The following PRKAA2 variants were observed in gnomAD, a reference collection of about 807,000 sequenced individuals.
The protein encoded by PRKAA2 is 5'-AMP-activated protein kinase catalytic subunit alpha-2.
In PRKAA2, 40 loss-of-function variants were observed where a neutral mutation model predicts 56.3. The observed-to-expected ratio is 0.71, with a 90% CI of 0.55 to 0.92. PRKAA2 has a LOEUF of 0.92. Among genes scored for constraint, PRKAA2 ranks in the 40% least tolerant of loss-of-function variants. The pLI is 0.00. For synonymous variants in PRKAA2, 214 were observed against 234.2 expected, an observed-to-expected ratio of 0.91 and a Z score of 0.79; for missense variants, 542 against 686.9, an observed-to-expected ratio of 0.79 and a Z score of 2.36.
At chr1:56,696,268 T>A in intron 6 of PRKAA2, 109 bp downstream of exon 6, 1 of 949,372 alleles carries the variant, frequency 1.1e-6, no homozygotes, top group South Asian at 1.7e-5. Context: ...CTCACCCCAG[T>A]ACTCATGCTT....
intron 7 of PRKAA2, 111 bp from the exon 8 acceptor site, chr1:56,705,980 AT>A (rs1644329154): frequency 1.1e-6 from 1 of 909,254 alleles, no homozygotes; most frequent in East Asian, 2.7e-5. Context: ...ATATAAAAAA[AT>A]TATTCGTATT....
chr1:56,664,855 TACACACAC>T (rs67041631), intron 1 of PRKAA2, among the ~76,000 whole-genome samples: 19 of 139,836 alleles, frequency 1.4e-4, no homozygotes, highest in Admixed American at 3.6e-4. Flanking sequence ...AGTATATGTG[TACACACAC>T]ACACACACAC....
At chr1:56,662,171 A>G (rs1207813610) in intron 1 of PRKAA2, among the ~76,000 whole-genome samples, 8 of 152,094 alleles carry the variant, frequency 5.3e-5, no homozygotes, top group Non-Finnish European at 1.2e-4. Flanking sequence ...TTGTCGTTCA[A>G]AATAATTTAG....
chr1:56,689,033 A>T (rs1455223719), intron 2 of PRKAA2, among the ~76,000 whole-genome samples: 1 of 152,210 alleles, frequency 6.6e-6, no homozygotes, highest in Admixed American at 6.5e-5. Context: ...TCATGAAATA[A>T]TTAATTCCAA....
Position 56,645,330 on chromosome 1 carries a change from G to T in PRKAA2, c.-58G>T. 7.3e-7 allele frequency: 1 copy of T among 1,373,762 alleles called. No homozygotes were observed. The highest frequency in any genetic ancestry group is 9.6e-7 in the Non-Finnish European group (1 of 1,041,316). 85.1% of individuals were successfully genotyped at this position (1,373,762 alleles called of 1,614,324 possible). ...GGGCCCGCTGCACTGTGGGTAGGCG[G>T]CGGCGGCGGCGGCTACGCGGAGCGG... is the stretch of plus-strand genomic sequence containing the variant. On this transcript the variant is annotated 5_prime_UTR_variant, in exon 1 of 9. Coordinates refer to ENST00000371244, the MANE Select transcript of PRKAA2 (RefSeq NM_006252.4).
At chr1:56,705,562 A>AT (rs920770317) in intron 7 of PRKAA2, among the ~76,000 whole-genome samples, 2 of 151,402 alleles carry the variant, frequency 1.3e-5, no homozygotes, top group African/African-American at 2.4e-5. Context: ...CACTCGGCTG[A>AT]TTTTTTTTGT....
rs776961274 is a variant in PRKAA2 at position 56,696,158 on chromosome 1, A to T, written c.787A>T (p.Arg263Ter). Reference protein sequence around the residue: ...PLKRATIKDIREHEWFKQDLP... With the variant: ...PLKRATIKDI ...GAAACGAGCAACTATCAAAGACATA[A>T]GGTGATTTTTCTTTTTGTTTCTGTT... Residue 263 changes from arginine (R) to a stop codon, truncating the protein, a stop_gained and splice_region_variant, in exon 6 of 9, where the codon AGA becomes TGA. Transcript: ENST00000371244. LOFTEE classifies it high-confidence loss of function. 2 of 1,606,198 alleles carry T rather than the reference A, an allele frequency of 1.2e-6. No homozygotes were observed. Among genetic ancestry groups the T allele is most frequent in the Admixed American group, 3.4e-5 (2 of 59,492 alleles).
intron 1 of PRKAA2, among the ~76,000 whole-genome samples, chr1:56,657,481 G>A (rs956342912): frequency 2.0e-4 from 30 of 152,282 alleles, no homozygotes; most frequent in African/African-American, 7.2e-4. Flanking sequence ...TTTGAGACCA[G>A]CCTGGCCAAC....
chr1:56,671,198 G>C (rs1263854260), intron 1 of PRKAA2, among the ~76,000 whole-genome samples: 4 of 152,154 alleles, frequency 2.6e-5, no homozygotes, highest in Non-Finnish European at 2.9e-5. Flanking sequence ...TCAGCTTTCA[G>C]GTGGAATGTG....
intron 1 of PRKAA2, among the ~76,000 whole-genome samples, chr1:56,661,637 G>A (rs879639524): frequency 6.6e-6 from 1 of 151,900 alleles, no homozygotes; most frequent in Non-Finnish European, 1.5e-5. Flanking sequence ...ACACATTCCT[G>A]TACTTGTCTT....
Position 56,695,994 on chromosome 1 carries a change from T to G in PRKAA2, c.623T>G (p.Leu208Arg), listed in dbSNP as rs2100428068. 6.2e-7 allele frequency: 1 copy of G among 1,612,070 alleles called. No individual in the cohort carries two copies. The highest frequency in any genetic ancestry group is 1.1e-5 in the South Asian group (1 of 90,918). Residue 208 changes from leucine (L) to arginine (R), a missense_variant, in exon 6 of 9, where the codon CTT (leucine) becomes CGT (arginine). Leu to Arg is a moderately radical substitution (Grantham distance 102). Transcript: ENST00000371244. Reference protein sequence around the residue: ...WSCGVILYALLCGTLPFDDEH... With the variant: ...WSCGVILYALRCGTLPFDDEH... ...TGTGGTGTTATCTTGTATGCTCTTC[T>G]TTGTGGCACCCTCCCATTTGATGAT...
chr1:56,656,048 T>G (rs1569710885), intron 1 of PRKAA2, among the ~76,000 whole-genome samples: 1 of 152,194 alleles, frequency 6.6e-6, no homozygotes, highest in Non-Finnish European at 1.5e-5. Flanking sequence ...TGGAGAATAT[T>G]AGCAGAGGAC....
rs536029720 is a variant in PRKAA2, at chr1:56,675,003, A to G, written c.236+481A>G. Among the ~76,000 whole-genome samples, 6 of 152,266 alleles carry G rather than the reference A, an allele frequency of 3.9e-5. No individual in the cohort carries two copies. In the East Asian group the frequency reaches 1.2e-3, roughly 29 times the overall value. ...TATTACTTGTAGAACTGAAAGTAGTACTATAACCATAAAGCTTTTAGGAAG... is the reference window on the plus strand; with the variant it reads ...TATTACTTGTAGAACTGAAAGTAGTGCTATAACCATAAAGCTTTTAGGAAG... On this transcript the variant is annotated intron_variant, in intron 2 of 8. Coordinates refer to ENST00000371244, the MANE Select transcript of PRKAA2 (RefSeq NM_006252.4).
chr1:56,648,911 A>G (rs1437789377), intron 1 of PRKAA2, among the ~76,000 whole-genome samples: 1 of 152,172 alleles, frequency 6.6e-6, no homozygotes, highest in Non-Finnish European at 1.5e-5. Flanking sequence ...GTTACTTGTC[A>G]TCTTATAAGT....
At chr1:56,682,077 TG>T (rs1260477888) in intron 2 of PRKAA2, among the ~76,000 whole-genome samples, 1 of 152,134 alleles carries the variant, frequency 6.6e-6, no homozygotes, top group African/African-American at 2.4e-5. Flanking sequence ...TCACATCCCT[TG>T]TAAGTTGGAT....
At chr1:56,649,381 G>T (rs1335990528) in intron 1 of PRKAA2, among the ~76,000 whole-genome samples, 1 of 152,158 alleles carries the variant, frequency 6.6e-6, no homozygotes, top group Non-Finnish European at 1.5e-5. Flanking sequence ...AATAGGAGAT[G>T]ATGTAATTTT....
At chr1:56,659,460 G>C (rs1451126741) in intron 1 of PRKAA2, among the ~76,000 whole-genome samples, 16 of 145,742 alleles carry the variant, frequency 1.1e-4, no homozygotes, top group African/African-American at 3.8e-4. Context: ...TCATGCCACC[G>C]CACTCTAGCC....
In PRKAA2 at chr1:56,692,469, G is replaced by A; in HGVS notation, c.442G>A (p.Asp148Asn). 1 of 1,614,064 alleles carries A rather than the reference G, an allele frequency of 6.2e-7. No individual in the cohort carries two copies. Among genetic ancestry groups the A allele is most frequent in the South Asian group, 1.1e-5 (1 of 91,066 alleles). The change falls in exon 4 of 9, where the codon GAT (aspartate) becomes AAT (asparagine). Residue 148 changes from aspartate to asparagine, a missense_variant. Asp to Asn is a conservative substitution (Grantham distance 23, BLOSUM62 1). Coordinates refer to ENST00000371244, the MANE Select transcript of PRKAA2 (RefSeq NM_006252.4). The stretch of plus-strand genomic sequence containing the variant: ...CCTGAAACCAGAGAATGTCCTGTTG[G>A]ATGCACACATGAATGCCAAGATAGC... ...RDLKPENVLL[D>N]AHMNAKIADF...
At chr1:56,677,756 A>G (rs1644123839) in intron 2 of PRKAA2, among the ~76,000 whole-genome samples, 2 of 151,710 alleles carry the variant, frequency 1.3e-5, no homozygotes, top group Non-Finnish European at 2.9e-5. Context: ...TCCCAGATTC[A>G]AATGATTCTC....
Sources: allele counts gnomAD v4.1 joint callset (sites outside exome capture counted in the v4.1 genomes callset), GRCh38; gene constraint gnomAD v4.1.1; transcripts MANE v1.5; gene names NCBI Gene and HGNC (gene_info 2026-07-23, HGNC 2026-07-21).